Variants in CDH13 observed in about 807,000 individuals in gnomAD.
CDH13 encodes cadherin-13.
CDH13 carries 24 observed loss-of-function variants against 63.8 expected under a neutral mutation model. The observed-to-expected ratio is 0.38, with a 90% CI of 0.27 to 0.53. The LOEUF is 0.53. Among genes scored for constraint, CDH13 ranks in the 20% least tolerant of loss-of-function variants. CDH13 has a pLI of 0.85. For missense variants in CDH13, 1,049 were observed against 903.1 expected (o/e 1.16, Z -2.07); for synonymous variants, 503 against 355.3 (o/e 1.42, Z -4.67).
At chr16:83,342,228 C>G (rs1420255778) in intron 5 of CDH13, among the ~76,000 whole-genome samples, 1 of 152,132 alleles carries the variant, frequency 6.6e-6, no homozygotes, top group Non-Finnish European at 1.5e-5. Flanking sequence ...GGTAGTGAAG[C>G]TTTCGTATTC....
At chr16:83,163,741 A>T (rs1046218819) in intron 4 of CDH13, among the ~76,000 whole-genome samples, 1 of 152,096 alleles carries the variant, frequency 6.6e-6, no homozygotes, top group African/African-American at 2.4e-5. Context: ...TTGAGCTGTC[A>T]TATAGCATAA....
intron 10 of CDH13, among the ~76,000 whole-genome samples, chr16:83,740,494 T>A (rs983960606): frequency 6.6e-5 from 10 of 152,184 alleles, no homozygotes; most frequent in African/African-American, 2.4e-4. Context: ...TGGAAGGTGA[T>A]GATTCTCTTG....
intron 1 of CDH13, among the ~76,000 whole-genome samples, chr16:82,677,518 G>C (rs868853271): frequency 7.6e-6 from 1 of 131,436 alleles, no homozygotes; most frequent in Admixed American, 8.7e-5. Context: ...GAACACCTTT[G>C]AAGTAATTAA....
intron 5 of CDH13, among the ~76,000 whole-genome samples, chr16:83,252,105 T>TCACACAC (rs1905619533): frequency 3.7e-4 from 2 of 5,478 alleles, no homozygotes; most frequent in South Asian, 6.8e-3. Context: ...ATATATATAT[T>TCACACAC]ATACACACAC....
chr16:83,301,084 T>C (rs540625206), intron 5 of CDH13, among the ~76,000 whole-genome samples: 1 of 125,482 alleles, frequency 8.0e-6, no homozygotes, highest in African/African-American at 3.0e-5. Context: ...CAGACTGGAG[T>C]GCAGTGGCAC....
At chr16:83,003,393 T>G (rs571463568) in intron 2 of CDH13, among the ~76,000 whole-genome samples, 2 of 151,944 alleles carry the variant, frequency 1.3e-5, no homozygotes, top group Admixed American at 6.5e-5. Context: ...AGTGGGTTTT[T>G]TTTTTTAATT....
rs1362740648 is a variant in CDH13, at chr16:82,755,037, G to A, written c.46-103325G>A. On this transcript the variant is annotated intron_variant, in intron 1 of 13. Transcript: ENST00000567109. ...ACAAATTCATCAGAAGTGTGCAGATGTGTTTTATGTGTGCGTACACACATA... is the reference window on the plus strand; with the variant it reads ...ACAAATTCATCAGAAGTGTGCAGATATGTTTTATGTGTGCGTACACACATA... Among the ~76,000 whole-genome samples the A allele has an allele frequency of 2.6e-5, 4 of 152,328 alleles. No homozygotes were observed. The East Asian group carries it at 7.7e-4, about 29-fold the overall frequency.
At chr16:83,566,503 C>T (rs1289079785) in intron 7 of CDH13, among the ~76,000 whole-genome samples, 1 of 140,042 alleles carries the variant, frequency 7.1e-6, no homozygotes, top group East Asian at 2.2e-4. Flanking sequence ...AAGGCAGAGC[C>T]CCACCTCCAT....
chr16:82,839,596 C>A (rs780864506), intron 1 of CDH13, among the ~76,000 whole-genome samples: 2 of 152,178 alleles, frequency 1.3e-5, no homozygotes, highest in Non-Finnish European at 2.9e-5. Context: ...GCCCTCAGTA[C>A]CCCCAACTTG....
At chr16:82,655,912 G>T (rs184387514) in intron 1 of CDH13, among the ~76,000 whole-genome samples, 1 of 152,182 alleles carries the variant, frequency 6.6e-6, no homozygotes, top group African/African-American at 2.4e-5. Flanking sequence ...GCCTTTAGTG[G>T]GCACCTGCTA....
intron 7 of CDH13, among the ~76,000 whole-genome samples, chr16:83,505,159 A>C (rs953616458): frequency 1.3e-5 from 2 of 152,172 alleles, no homozygotes; most frequent in Non-Finnish European, 2.9e-5. Flanking sequence ...TGGTGCTCTT[A>C]TTTCCACATT....
At chr16:83,325,023 A>G (rs2090328602) in intron 5 of CDH13, among the ~76,000 whole-genome samples, 1 of 152,128 alleles carries the variant, frequency 6.6e-6, no homozygotes, top group African/African-American at 2.4e-5. Flanking sequence ...GGCATTTGCT[A>G]AGGCTGTCTC....
intron 1 of CDH13, among the ~76,000 whole-genome samples, chr16:82,693,133 A>G: frequency 6.6e-6 from 1 of 152,202 alleles, no homozygotes; most frequent in Non-Finnish European, 1.5e-5. Context: ...AAAGGAAATG[A>G]ATCTGCCAGT....
rs562271115 is a variant in CDH13 at position 83,609,204 on chromosome 16, A to G, written c.1101+6610A>G. Among the ~76,000 whole-genome samples, 9 of 152,302 alleles carry G rather than the reference A, an allele frequency of 5.9e-5. No individual in the cohort carries two copies. The South Asian group carries it at 1.9e-3, about 32-fold the overall frequency. The stretch of plus-strand genomic sequence containing the variant: ...TGAGGATGGCTTTGAATGCGGCCCA[A>G]CACAAATTCGTAAACTTTCTTAAGA... On this transcript the variant is annotated intron_variant, in intron 8 of 13. Transcript: ENST00000567109.
intron 5 of CDH13, among the ~76,000 whole-genome samples, chr16:83,266,463 T>C (rs1907633888): frequency 6.6e-6 from 1 of 152,246 alleles, no homozygotes; most frequent in Non-Finnish European, 1.5e-5. Flanking sequence ...CAGTTACTTA[T>C]TTTAATTATA....
intron 6 of CDH13, among the ~76,000 whole-genome samples, chr16:83,359,693 G>T (rs138107497): frequency 2.4e-4 from 37 of 152,312 alleles, no homozygotes; most frequent in African/African-American, 8.7e-4. Flanking sequence ...ATTAGAAACA[G>T]TGTGCTCTCC....
At chr16:83,521,809 C>A (rs75331363) in intron 7 of CDH13, among the ~76,000 whole-genome samples, 8,838 of 152,244 alleles carry the variant, frequency 0.058, 287 homozygotes, top group Middle Eastern at 0.12. Context: ...CTGCCACTGA[C>A]CTTGACCTGA....
chr16:83,040,696 C>T (rs2151487458), intron 3 of CDH13, among the ~76,000 whole-genome samples: 2 of 152,236 alleles, frequency 1.3e-5, no homozygotes, highest in East Asian at 3.9e-4. Context: ...TTGGCAACAC[C>T]CTCACAGAAA....
chr16:83,344,876 C>G lies in CDH13; in HGVS notation c.651C>G (p.Thr217=), dbSNP rs946751736. Residue 217 remains threonine, a synonymous_variant, in exon 6 of 14, where the codon ACC becomes ACG. Transcript: ENST00000567109. ...TGCTCAAATAGCTATTTGTGGAGAC[C>G]ACTGATGTCAATGGCAAAACTCTCG... ...VIAVYQLFVE[T]TDVNGKTLEG... 2 of 1,613,836 alleles carry G rather than the reference C, an allele frequency of 1.2e-6. No homozygotes were observed. The highest frequency in any genetic ancestry group is 2.2e-5 in the South Asian group (2 of 91,074).
Sources: allele counts gnomAD v4.1 joint callset (sites outside exome capture counted in the v4.1 genomes callset), GRCh38; gene constraint gnomAD v4.1.1; transcripts MANE v1.5; gene names NCBI Gene and HGNC (gene_info 2026-07-23, HGNC 2026-07-21).